GLIPR2: variants seen among roughly 807,000 people sequenced by gnomAD.
GLIPR2 encodes the protein GLI pathogenesis related 2.
In GLIPR2, 21 loss-of-function variants were observed where a neutral mutation model predicts 20.4. That is an observed-to-expected ratio of 1.03 (90% CI 0.73 to 1.48). GLIPR2 has a LOEUF of 1.48. GLIPR2 is among the 40% of genes most tolerant of loss of function. The probability of loss-of-function intolerance (pLI) is 0.00; values close to 1 mark genes in which losing one functional copy is unlikely to be tolerated. For synonymous variants in GLIPR2, 91 were observed against 80.5 expected (o/e 1.13, Z -0.70); for missense variants, 205 against 200.1 (o/e 1.02, Z -0.15).
intron 4 of GLIPR2, among the ~76,000 whole-genome samples, chr9:36,156,417 T>C (rs1464271260): frequency 7.1e-6 from 1 of 140,460 alleles, no homozygotes; most frequent in African/African-American, 2.6e-5. Flanking sequence ...AAAAAAGAAA[T>C]TGTAGTAAAG....
chr9:36,157,296 G>A (rs1204435656), intron 4 of GLIPR2, among the ~76,000 whole-genome samples: 1 of 150,424 alleles, frequency 6.6e-6, no homozygotes, highest in African/African-American at 2.4e-5. Context: ...TCAAAGTGCT[G>A]AGAATACAGG....
At chr9:36,161,045 A>G (rs1453968803) in intron 4 of GLIPR2, among the ~76,000 whole-genome samples, 1 of 152,136 alleles carries the variant, frequency 6.6e-6, no homozygotes, top group African/African-American at 2.4e-5. Flanking sequence ...TCGTCTCAAA[A>G]AAAAAAGAAA....
intron 4 of GLIPR2, among the ~76,000 whole-genome samples, chr9:36,160,573 CAG>C (rs1462246139): frequency 3.3e-5 from 5 of 151,840 alleles, no homozygotes; most frequent in Admixed American, 1.3e-4. Flanking sequence ...AGAAGGAAAA[CAG>C]AAGAAAAAAA....
chr9:36,151,402 G>A (rs936113438), intron 4 of GLIPR2, among the ~76,000 whole-genome samples: 1 of 152,174 alleles, frequency 6.6e-6, no homozygotes, highest in Admixed American at 6.5e-5. Flanking sequence ...GGGGCCATCA[G>A]GAGAAGGCTC....
At chr9:36,139,588 G>T (rs1261720188) in intron 1 of GLIPR2, among the ~76,000 whole-genome samples, 1 of 152,182 alleles carries the variant, frequency 6.6e-6, no homozygotes, top group Non-Finnish European at 1.5e-5. Flanking sequence ...ACTCACAGGG[G>T]CTCTGTGTGC....
chr9:36,159,663 G>A (rs1287904581), intron 4 of GLIPR2, among the ~76,000 whole-genome samples: 6 of 151,974 alleles, frequency 3.9e-5, no homozygotes, highest in South Asian at 2.1e-4. Context: ...GGAGATGGTC[G>A]GTAAATAAAA....
At chr9:36,149,964 G>T (rs558991492) in intron 3 of GLIPR2, among the ~76,000 whole-genome samples, 47 of 152,318 alleles carry the variant, frequency 3.1e-4, no homozygotes, top group African/African-American at 1.1e-3. Flanking sequence ...GGAGGTGGAG[G>T]TTGCCGTGAG....
Position 36,162,307 on chromosome 9 carries a change from C to G in GLIPR2, c.305-55C>G, listed in dbSNP as rs540139000. On this transcript the variant is annotated intron_variant, in intron 4 of 4. Transcript: ENST00000377960. ...TTCAACAATCCCCTGCCACATCCTTCTTCAGGCTCTGCTAATTCAGCCGTG... is the reference window on the plus strand; with the variant it reads ...TTCAACAATCCCCTGCCACATCCTTGTTCAGGCTCTGCTAATTCAGCCGTG... 29 of 1,599,642 alleles carry G rather than the reference C, an allele frequency of 1.8e-5. No individual in the cohort carries two copies. The African/African-American group carries it at 2.8e-4, about 16-fold the overall frequency.
chr9:36,159,116 C>A (rs1458357304), intron 4 of GLIPR2, among the ~76,000 whole-genome samples: 1 of 152,178 alleles, frequency 6.6e-6, no homozygotes, highest in Admixed American at 6.5e-5. Flanking sequence ...ACAGCATCAA[C>A]TCTTTGACTC....
At position 36,136,784 on chromosome 9, in the gene GLIPR2, C is replaced by T. The variant is rs1824835769; in HGVS notation, c.6C>T (p.Gly2=). Reference sequence around the variant, plus strand: ...AGGAGCGCGCGGAGCCGGCCATGGGCAAGTCAGGTGAGCCCGCGGGCTCGC... The same window carrying T: ...AGGAGCGCGCGGAGCCGGCCATGGGTAAGTCAGGTGAGCCCGCGGGCTCGC... M[G]KSASKQFHNE... The change falls in exon 1 of 5, where the codon GGC becomes GGT. Residue 2 remains glycine, a synonymous_variant. Transcript: ENST00000377960. This position sits in a 1 kb window ranked among gnomAD's most constrained non-coding sequence, Gnocchi z 4.3. The T allele has an allele frequency of 2.3e-6, 3 of 1,303,114 alleles. No individual in the cohort carries two copies. The highest frequency in any genetic ancestry group is 2.9e-6 in the Non-Finnish European group (3 of 1,028,814). 80.7% of individuals were successfully genotyped at this position (1,303,114 alleles called of 1,614,324 possible).
In GLIPR2 at chr9:36,162,619, T is replaced by TGG; in HGVS notation, c.*97_*98insGG. ...GGCTGTGCGTCTGTCCCTGTGGGTG[T>TGG]ATGTGCTTGTGTGTGTGATGCATGT... On this transcript the variant is annotated 3_prime_UTR_variant, in exon 5 of 5. Coordinates refer to ENST00000377960, the MANE Select transcript of GLIPR2 (RefSeq NM_022343.4). 8.2e-7 allele frequency: 1 copy of TGG among 1,215,724 alleles called. No homozygotes were observed. Among genetic ancestry groups the TGG allele is most frequent in the Non-Finnish European group, 1.2e-6 (1 of 851,322 alleles). 75.3% of individuals were successfully genotyped at this position (1,215,724 alleles called of 1,614,324 possible). A position where few individuals can be genotyped will look rare whatever the true frequency, so the allele number is the denominator to read the frequency against.
At chr9:36,156,889 C>G (rs1038047908) in intron 4 of GLIPR2, among the ~76,000 whole-genome samples, 1 of 152,190 alleles carries the variant, frequency 6.6e-6, no homozygotes, top group African/African-American at 2.4e-5. Context: ...ATTCTAGCTA[C>G]CTCATATAAA....
intron 3 of GLIPR2, 101 bp from the exon 4 acceptor site, chr9:36,150,771 A>G: frequency 2.5e-6 from 2 of 791,400 alleles, no homozygotes; most frequent in Admixed American, 2.2e-5. Flanking sequence ...CAGATGTCTA[A>G]TTGCCGCATT....
At chr9:36,139,903 T>G (rs570780577) in intron 1 of GLIPR2, among the ~76,000 whole-genome samples, 40 of 152,268 alleles carry the variant, frequency 2.6e-4, no homozygotes, top group African/African-American at 9.4e-4. Context: ...AGTGGAAGCC[T>G]CCTGTCCCTA....
At chr9:36,146,337 C>A (rs1825324285) in intron 1 of GLIPR2, 1 of 152,206 alleles carries the variant, frequency 6.6e-6, no homozygotes, top group Non-Finnish European at 1.5e-5. Flanking sequence ...GTTACATTGA[C>A]AATTAAATTT....
Position 36,145,287 on chromosome 9 carries a change from G to C in GLIPR2, c.14-2499G>C, listed in dbSNP as rs73648724. On this transcript the variant is annotated intron_variant, in intron 1 of 4. Transcript: ENST00000377960. ...AGCCTGGCTGGCTAGCCCCTGTTCAGATATTTCTGGGGCCTCATATTGGGA... is the reference window on the plus strand; with the variant it reads ...AGCCTGGCTGGCTAGCCCCTGTTCACATATTTCTGGGGCCTCATATTGGGA... Among the ~76,000 whole-genome samples, 499 of 152,376 alleles carry C rather than the reference G, an allele frequency of 3.3e-3. 3 individuals are homozygous for C. Among genetic ancestry groups the C allele is most frequent in the African/African-American group, 0.012 (483 of 41,586 alleles).
intron 2 of GLIPR2, 50 bp downstream of exon 2, chr9:36,147,944 T>C (rs762927901): frequency 1.3e-5 from 11 of 875,320 alleles, no homozygotes; most frequent in Non-Finnish European, 2.2e-5. Context: ...GTGCTGCTAC[T>C]GCAGTCACAA....
intron 1 of GLIPR2, chr9:36,137,023 C>G (rs891795121): frequency 9.5e-6 from 4 of 423,026 alleles, no homozygotes; most frequent in South Asian, 2.5e-4. Context: ...TTGGGCTTCC[C>G]GACCCTGAGG....
At chr9:36,141,465 G>GA (rs200115343) in intron 1 of GLIPR2, among the ~76,000 whole-genome samples, 9,836 of 48,550 alleles carry the variant, frequency 0.2, 435 homozygotes, top group Non-Finnish European at 0.29. Context: ...AAGGGGGCAG[G>GA]GGGCCTGTTC....
Sources: gnomAD v4.1 joint callset for allele counts (sites outside exome capture counted in the v4.1 genomes callset) on GRCh38, gnomAD v4.1.1 for gene constraint, Gnocchi (gnomAD v3.1) non-coding constraint, MANE v1.5 for transcripts, NCBI Gene and HGNC (gene_info 2026-07-23, HGNC 2026-07-21) for gene names.